Variants in DIXDC1 observed in about 807,000 individuals in gnomAD.
The protein encoded by DIXDC1 is dixin.
In DIXDC1, 64 loss-of-function variants were observed where a neutral mutation model predicts 103.1. That is an observed-to-expected ratio of 0.62 (90% confidence interval 0.51 to 0.76). DIXDC1 has a LOEUF of 0.76. Among genes scored for constraint, DIXDC1 ranks in the 30% least tolerant of loss-of-function variants. The pLI, the probability that DIXDC1 is intolerant of heterozygous loss-of-function variation, is 0.00. For synonymous variants in DIXDC1, 266 were observed against 298.5 expected, an observed-to-expected ratio of 0.89 and a Z score of 1.12; for missense variants, 759 against 834.2, an observed-to-expected ratio of 0.91 and a Z score of 1.11.
intron 17 of DIXDC1, among the ~76,000 whole-genome samples, chr11:112,008,131 C>CAAAAAAAAAA (rs782037838): frequency 1.9e-5 from 1 of 52,268 alleles, no homozygotes; most frequent in Non-Finnish European, 4.7e-5. Flanking sequence ...AAATGCAAAG[C>CAAAAAAAAAA]AAAAAAAAAA....
At chr11:111,988,253 C>T (rs1555174095) in intron 9 of DIXDC1, among the ~76,000 whole-genome samples, 1 of 152,162 alleles carries the variant, frequency 6.6e-6, no homozygotes, top group African/African-American at 2.4e-5. Context: ...CCATCTTGGC[C>T]TCCCAAAGTG....
chr11:111,939,480 A>T (rs1487971897), intron 1 of DIXDC1, among the ~76,000 whole-genome samples: 1 of 152,054 alleles, frequency 6.6e-6, no homozygotes, highest in Non-Finnish European at 1.5e-5. Context: ...TCCTTCTCTG[A>T]TATTTGATTT....
intron 5 of DIXDC1, chr11:111,975,799 A>AT (rs1158165773): frequency 5.1e-6 from 5 of 984,586 alleles, no homozygotes; most frequent in African/African-American, 1.8e-5. Flanking sequence ...TCTTCCTCCT[A>AT]TTTTTTTCTC....
chr11:111,995,378 A>T (rs782283609), intron 15 of DIXDC1, 25 bp from the exon 16 acceptor site: 1 of 1,607,994 alleles, frequency 6.2e-7, no homozygotes, highest in South Asian at 1.1e-5. Flanking sequence ...GTGCCATGCC[A>T]GCAACACCTT....
chr11:111,982,286 C>T (rs1415296877), intron 6 of DIXDC1, 53 bp from the exon 7 acceptor site: 3 of 1,581,476 alleles, frequency 1.9e-6, no homozygotes, highest in Non-Finnish European at 2.6e-6. Flanking sequence ...ACGCTGTCTG[C>T]TGGAAATCAG....
At chr11:111,934,037 T>C (rs900302441), upstream of DIXDC1, among the ~76,000 whole-genome samples, 3 of 152,280 alleles carry the variant, frequency 2.0e-5, no homozygotes, top group African/African-American at 7.2e-5. Context: ...TTTTGTAATG[T>C]AATCTTGCAT....
At chr11:111,954,338 C>G (rs1966869740) in intron 1 of DIXDC1, among the ~76,000 whole-genome samples, 1 of 152,104 alleles carries the variant, frequency 6.6e-6, no homozygotes, top group African/African-American at 2.4e-5. Context: ...AATCCCACCG[C>G]TGATCTGAAG....
intron 2 of DIXDC1, 35 bp from the exon 3 acceptor site, chr11:111,968,478 C>T (rs1555171779): frequency 6.2e-7 from 1 of 1,603,816 alleles, no homozygotes; most frequent in Non-Finnish European, 8.5e-7. Flanking sequence ...TAATATTCCT[C>T]CCTATAACTT....
upstream of DIXDC1, chr11:111,937,227 G>C (rs1000501792): frequency 9.9e-5 from 116 of 1,172,092 alleles, no homozygotes; most frequent in Non-Finnish European, 1.2e-4. Flanking sequence ...GGGGCTGGGG[G>C]CAGCCCGGCA....
intron 10 of DIXDC1, among the ~76,000 whole-genome samples, chr11:111,991,208 G>C (rs899325275): frequency 1.3e-5 from 2 of 152,134 alleles, no homozygotes; most frequent in Admixed American, 6.5e-5. Context: ...TGTGTTCCAC[G>C]GTCAGATAAG....
chr11:112,009,418 A>G (rs887287617), intron 17 of DIXDC1, among the ~76,000 whole-genome samples: 11 of 152,222 alleles, frequency 7.2e-5, no homozygotes, highest in Admixed American at 7.2e-4. Context: ...AAACTATTCC[A>G]ATCAACAGAA....
chr11:111,968,529 T>C lies in DIXDC1; in HGVS notation c.207T>C (p.Ser69=). Residue 69 remains serine (S), a synonymous_variant, in exon 3 of 20, where the codon AGT becomes AGC. Coordinates refer to ENST00000440460, the MANE Select transcript of DIXDC1 (RefSeq NM_001037954.4). ...TCCTAACAGCAGGAGAAAAGCTGAG[T>C]GGGGTACAGCTGAGTCCCGGTAACC... ...LIEIVAGEKL[S]GVQLSPGNQQ... is the part of the protein sequence containing the mutation. The C allele has an allele frequency of 6.2e-7, 1 of 1,613,114 alleles. No individual in the cohort carries two copies. Among genetic ancestry groups the C allele is most frequent in the Non-Finnish European group, 8.5e-7 (1 of 1,179,504 alleles).
At chr11:112,000,839 G>A (rs192684335) in intron 17 of DIXDC1, among the ~76,000 whole-genome samples, 25 of 152,308 alleles carry the variant, frequency 1.6e-4, no homozygotes, top group African/African-American at 4.6e-4. Context: ...GTATTGGTGA[G>A]AATGTGGAGA....
At chr11:111,981,468 T>G (rs909746916) in intron 6 of DIXDC1, among the ~76,000 whole-genome samples, 5 of 152,214 alleles carry the variant, frequency 3.3e-5, no homozygotes, top group Admixed American at 2.0e-4. Context: ...AAACTGGAAT[T>G]GAATTCTTCT....
intron 17 of DIXDC1, among the ~76,000 whole-genome samples, chr11:112,013,548 TC>T (rs2137639199): frequency 6.6e-6 from 1 of 152,218 alleles, no homozygotes; most frequent in South Asian, 2.1e-4. Flanking sequence ...CATCTTGTGT[TC>T]CCCTGTCTTA....
At chr11:111,931,747 A>G (rs1966025447) in intron 2 of DIXDC1, among the ~76,000 whole-genome samples, 1 of 152,262 alleles carries the variant, frequency 6.6e-6, no homozygotes, top group East Asian at 1.9e-4. Context: ...CAGATTTTGT[A>G]TACATCTTTC....
intron 17 of DIXDC1, among the ~76,000 whole-genome samples, chr11:112,006,428 G>A (rs896545090): frequency 1.3e-5 from 2 of 152,238 alleles, no homozygotes; most frequent in East Asian, 3.8e-4. Context: ...TCTGAAGAGA[G>A]CAGTGGTTCT....
In DIXDC1 at chr11:112,021,255, T is replaced by TA. The variant is rs2137658865; in HGVS notation, c.*2221dup. 6.6e-6 allele frequency: 1 copy of TA among 152,290 alleles called. No individual in the cohort carries two copies. Among genetic ancestry groups the TA allele is most frequent in the East Asian group, 1.9e-4 (1 of 5,178 alleles). 9.4% of individuals were successfully genotyped at this position (152,290 alleles called of 1,614,324 possible). A position where few individuals can be genotyped will look rare whatever the true frequency, so the allele number is the denominator to read the frequency against. On this transcript the variant is annotated 3_prime_UTR_variant, in exon 20 of 20. Transcript: ENST00000440460. ...TTAAGTTGAGTTCATGGGAGAACAT[T>TA]AAGATCGTTTTTTTTCCCTTTTAGC...
At chr11:111,953,603 A>G (rs587620393) in intron 1 of DIXDC1, among the ~76,000 whole-genome samples, 76 of 152,274 alleles carry the variant, frequency 5.0e-4, no homozygotes, top group African/African-American at 1.8e-3. Context: ...ACACCATTGC[A>G]CTCCAGCTTG....
Sources: gnomAD v4.1 joint callset for allele counts (sites outside exome capture counted in the v4.1 genomes callset) on GRCh38, gnomAD v4.1.1 for gene constraint, MANE v1.5 for transcripts, NCBI Gene and HGNC (gene_info 2026-07-23, HGNC 2026-07-21) for gene names.